Variants in ZNF469 observed in about 807,000 individuals in gnomAD.
ZNF469 encodes the protein zinc finger protein 469.
A neutral mutation model predicts 1.0 loss-of-function variants in ZNF469; 1 was observed. That is an observed-to-expected ratio of 1.00 (90% confidence interval 0.35 to 4.73). The LOEUF (loss-of-function observed/expected upper bound fraction) is 4.73, where lower values mean the gene tolerates loss of function less well. Among genes scored for constraint, ZNF469 ranks in the 30% most tolerant of loss-of-function variants. ZNF469 has a pLI of 0.16. For missense variants in ZNF469, 6,100 were observed against 5,356.3 expected (o/e 1.14, Z -4.33); for synonymous variants, 2,703 against 2,363.4 (o/e 1.14, Z -4.17).
At chr16:88,411,814 C>T (rs1239119147) in intron 1 of ZNF469, among the ~76,000 whole-genome samples, 2 of 152,156 alleles carry the variant, frequency 1.3e-5, no homozygotes, top group African/African-American at 2.4e-5. Context: ...GAGGCCCCCA[C>T]CTGGTTTCCC....
upstream of ZNF469, among the ~76,000 whole-genome samples, chr16:88,380,568 CGCCCTCACACAGACAT>C (rs2092519562): frequency 6.8e-6 from 1 of 146,510 alleles, no homozygotes; most frequent in African/African-American, 2.5e-5. Context: ...CACACACAGA[CGCCCTCACACAGACAT>C]GCACTCACAC....
upstream of ZNF469, among the ~76,000 whole-genome samples, chr16:88,382,637 T>C (rs552141692): frequency 1.3e-5 from 2 of 152,254 alleles, no homozygotes; most frequent in Non-Finnish European, 2.9e-5. Context: ...GCGTGTCATG[T>C]GTGGGCACCT....
chr16:88,103,446 G>T, the ZNF469 span, among the ~76,000 whole-genome samples: 1 of 152,210 alleles, frequency 6.6e-6, no homozygotes, highest in African/African-American at 2.4e-5. Context: ...AATGCTTCCA[G>T]CCACCCGCCC....
the ZNF469 span, among the ~76,000 whole-genome samples, chr16:88,122,367 A>G: frequency 2.7e-5 from 4 of 149,410 alleles, no homozygotes; most frequent in African/African-American, 5.0e-5. Context: ...ATCACCCACT[A>G]TGGCCACAGC....
At chr16:88,335,577 G>A in the ZNF469 span, among the ~76,000 whole-genome samples, 2 of 152,206 alleles carry the variant, frequency 1.3e-5, no homozygotes, top group African/African-American at 2.4e-5. Flanking sequence ...CCAGCCACAG[G>A]GCCTCACTTT....
the ZNF469 span, among the ~76,000 whole-genome samples, chr16:88,232,040 C>A: frequency 1.3e-5 from 2 of 152,166 alleles, no homozygotes; most frequent in Non-Finnish European, 2.9e-5. Context: ...CGGGCAGGCT[C>A]CTGGACCTGG....
At chr16:88,129,733 G>A in the ZNF469 span, among the ~76,000 whole-genome samples, 6 of 152,162 alleles carry the variant, frequency 3.9e-5, no homozygotes, top group East Asian at 3.9e-4. Flanking sequence ...GGTGGCGCAC[G>A]CCTGCAGTCT....
chr16:88,412,929 C>T (rs1422294624), intron 1 of ZNF469, among the ~76,000 whole-genome samples: 2 of 152,212 alleles, frequency 1.3e-5, no homozygotes, highest in South Asian at 2.1e-4. Context: ...GCCACAGCCA[C>T]AGCCGGGGCC....
the ZNF469 span, among the ~76,000 whole-genome samples, chr16:88,169,626 A>G: frequency 7.2e-4 from 110 of 152,332 alleles, 1 homozygote; most frequent in South Asian, 1.9e-3. The surrounding 1 kb of genome is among the most constrained non-coding windows in gnomAD (Gnocchi z 6.1). Context: ...GTTTGGGCTG[A>G]TTCCGGGTCT....
the ZNF469 span, among the ~76,000 whole-genome samples, chr16:88,261,296 G>A: frequency 2.0e-5 from 3 of 152,298 alleles, no homozygotes; most frequent in African/African-American, 4.8e-5. This position sits in a 1 kb window ranked among gnomAD's most constrained non-coding sequence, Gnocchi z 6.0. Flanking sequence ...GGGTGCCACC[G>A]CCCCTCACAC....
the ZNF469 span, among the ~76,000 whole-genome samples, chr16:88,339,010 T>C: frequency 6.6e-6 from 1 of 151,652 alleles, no homozygotes; most frequent in Non-Finnish European, 1.5e-5. Context: ...ATAGTGTGCG[T>C]TCACTGCACA....
intron 1 of ZNF469, among the ~76,000 whole-genome samples, chr16:88,419,582 G>T (rs1020775023): frequency 6.6e-6 from 1 of 152,136 alleles, no homozygotes; most frequent in Non-Finnish European, 1.5e-5. Flanking sequence ...ATTGGGTGTG[G>T]ACAGCCTCCC....
intron 1 of ZNF469, among the ~76,000 whole-genome samples, chr16:88,383,580 G>T (rs2092530773): frequency 6.6e-6 from 1 of 150,392 alleles, no homozygotes; most frequent in Non-Finnish European, 1.5e-5. Flanking sequence ...CAACGTACTG[G>T]CGAGGGCCGC....
chr16:88,435,568 C>G lies in ZNF469; in HGVS notation c.8098C>G (p.Pro2700Ala), dbSNP rs920053452. 3.2e-6 allele frequency: 5 copies of G among 1,549,932 alleles called. No individual in the cohort carries two copies. The highest frequency in any genetic ancestry group is 8.7e-7 in the Non-Finnish European group (1 of 1,146,954). Reference sequence around the variant, plus strand: ...GCCGCCTCGCTTGGCCACTCTGGGACCTGGGGTGATGGAGGGTGCAGCGGA... The same window carrying G: ...GCCGCCTCGCTTGGCCACTCTGGGAGCTGGGGTGATGGAGGGTGCAGCGGA... ...EQPPRLATLG[P>A]GVMEGAAETD... is the part of the protein sequence containing the mutation. Residue 2700 changes from proline (P) to alanine (A), a missense_variant, in exon 3 of 3, where the codon CCT (proline) becomes GCT (alanine). Physicochemically the swap from Pro to Ala is conservative, Grantham distance 27 (BLOSUM62 -1). Transcript: ENST00000565624.
chr16:88,295,510 C>T, the ZNF469 span, among the ~76,000 whole-genome samples: 1 of 152,052 alleles, frequency 6.6e-6, no homozygotes, highest in Non-Finnish European at 1.5e-5. Context: ...GGCTCAGGGT[C>T]TGGAGAGGGC....
intron 1 of ZNF469, among the ~76,000 whole-genome samples, chr16:88,407,291 G>A (rs1023125026): frequency 6.4e-5 from 7 of 109,442 alleles, no homozygotes; most frequent in South Asian, 2.5e-4. Flanking sequence ...GTCCGGAACC[G>A]TCGCCAGCAC....
intron 1 of ZNF469, among the ~76,000 whole-genome samples, chr16:88,399,764 G>C (rs1052894192): frequency 5.9e-5 from 9 of 152,264 alleles, no homozygotes; most frequent in Non-Finnish European, 2.9e-5. Context: ...GCTGTGGATG[G>C]AGCTCCCAGT....
At chr16:88,169,071 G>A in the ZNF469 span, among the ~76,000 whole-genome samples, 5 of 152,150 alleles carry the variant, frequency 3.3e-5, no homozygotes, top group Admixed American at 6.5e-5. This position sits in a 1 kb window ranked among gnomAD's most constrained non-coding sequence, Gnocchi z 6.1. Context: ...GGGTCCCTGG[G>A]ACACCAGGGG....
At chr16:88,400,593 C>G (rs910756646) in intron 1 of ZNF469, among the ~76,000 whole-genome samples, 2 of 152,156 alleles carry the variant, frequency 1.3e-5, no homozygotes, top group African/African-American at 4.8e-5. Context: ...ATCAGTCCCT[C>G]CTCTCAGCTG....
Sources: gnomAD v4.1 joint callset for allele counts (sites outside exome capture counted in the v4.1 genomes callset) on GRCh38, gnomAD v4.1.1 for gene constraint, Gnocchi (gnomAD v3.1) non-coding constraint, MANE v1.5 for transcripts, NCBI Gene and HGNC (gene_info 2026-07-23, HGNC 2026-07-21) for gene names.